KIRREL3: variants seen among roughly 807,000 people sequenced by gnomAD.
The protein encoded by KIRREL3 is kin of IRRE-like protein 3.
KIRREL3 carries 36 observed loss-of-function variants against 89.7 expected under a neutral mutation model. The ratio of observed to expected loss-of-function variants is 0.40; its 90% CI spans 0.31 to 0.53. The LOEUF (loss-of-function observed/expected upper bound fraction) is 0.53. Ranked by LOEUF, KIRREL3 falls within the 20% of genes least tolerant of loss-of-function variation. KIRREL3 has a pLI of 0.49. For synonymous variants in KIRREL3, 445 were observed against 441.4 expected (o/e 1.01, Z -0.10); for missense variants, 864 against 1,056.6 (o/e 0.82, Z 2.53).
intron 1 of KIRREL3, among the ~76,000 whole-genome samples, chr11:126,662,076 C>G (rs1177372694): frequency 6.6e-6 from 1 of 152,076 alleles, no homozygotes; most frequent in African/African-American, 2.4e-5. Flanking sequence ...ATTGATTTTC[C>G]CCTAGTAGTT....
chr11:126,482,665 C>T (rs1159324128), intron 4 of KIRREL3, among the ~76,000 whole-genome samples: 6 of 152,130 alleles, frequency 3.9e-5, no homozygotes, highest in Admixed American at 3.3e-4. Flanking sequence ...CCCAGATTGC[C>T]CCCTTGGTAA....
rs1298548052 is a variant in KIRREL3, at chr11:126,656,447, C to G, written c.56-93535G>C. On this transcript the variant is annotated intron_variant, in intron 1 of 16. Coordinates refer to ENST00000525144, the MANE Select transcript of KIRREL3 (RefSeq NM_032531.4). The surrounding 1 kb of genome is among the most constrained non-coding windows in gnomAD (Gnocchi z 4.0). ...CTCTGGAAAACCTAGGTTTCCAAAC[C>G]TTTCACCTTAAGTAGATTTTTATAA... 6.6e-6 allele frequency among the ~76,000 whole-genome samples: 1 copy of G among 152,140 alleles called. No homozygotes were observed. Among genetic ancestry groups the G allele is most frequent in the East Asian group, 1.9e-4 (1 of 5,194 alleles).
intron 1 of KIRREL3, among the ~76,000 whole-genome samples, chr11:126,774,257 C>T (rs1266914105): frequency 6.7e-6 from 1 of 149,600 alleles, no homozygotes; most frequent in Non-Finnish European, 1.5e-5. Context: ...TCTAACCCTG[C>T]AGGAAAATAG....
At chr11:126,435,595 G>A (rs1379095085) in intron 12 of KIRREL3, among the ~76,000 whole-genome samples, 1 of 152,166 alleles carries the variant, frequency 6.6e-6, no homozygotes, top group Non-Finnish European at 1.5e-5. Context: ...CCAAGGGGAA[G>A]ACACGGAGGG....
chr11:126,869,470 C>T (rs767225321), intron 1 of KIRREL3, among the ~76,000 whole-genome samples: 5 of 152,120 alleles, frequency 3.3e-5, no homozygotes, highest in South Asian at 2.1e-4. Flanking sequence ...TATTTCTGGG[C>T]GACTGAAAGT....
chr11:126,720,766 G>A (rs1361896446), intron 1 of KIRREL3, among the ~76,000 whole-genome samples: 1 of 152,222 alleles, frequency 6.6e-6, no homozygotes, highest in African/African-American at 2.4e-5. Context: ...ATTGGCTTGT[G>A]GCTGGGCCAG....
At chr11:126,974,355 GA>G (rs1479861399) in intron 1 of KIRREL3, among the ~76,000 whole-genome samples, 1 of 152,104 alleles carries the variant, frequency 6.6e-6, no homozygotes, top group Non-Finnish European at 1.5e-5. Flanking sequence ...ATTGTTAGGG[GA>G]CTTTGTCTTT....
chr11:126,481,402 G>A (rs78189576), intron 4 of KIRREL3, among the ~76,000 whole-genome samples: 8,161 of 152,170 alleles, frequency 0.054, 245 homozygotes, highest in African/African-American at 0.078. Flanking sequence ...TTAAGCTGAC[G>A]AATTCCAAAG....
At chr11:126,518,218 G>A (rs980642794) in intron 4 of KIRREL3, among the ~76,000 whole-genome samples, 9 of 152,226 alleles carry the variant, frequency 5.9e-5, no homozygotes, top group Admixed American at 2.6e-4. Context: ...ATGTGTCTGT[G>A]ACTCTAGGCT....
chr11:126,654,323 T>C lies in KIRREL3; in HGVS notation c.56-91411A>G, dbSNP rs1341460874. Among the ~76,000 whole-genome samples the C allele has an allele frequency of 8.1e-5, 12 of 148,244 alleles. No homozygotes were observed. The South Asian group carries it at 8.7e-4, about 11-fold the overall frequency. On this transcript the variant is annotated intron_variant, in intron 1 of 16. Transcript: ENST00000525144. ...CAACCCCGAGAAGATGGATCTAGGA[T>C]ACCTAAACTGAAAGTTTTTTTTTTT...
At chr11:126,878,761 G>A (rs952221099) in intron 1 of KIRREL3, among the ~76,000 whole-genome samples, 2 of 152,130 alleles carry the variant, frequency 1.3e-5, no homozygotes, top group Admixed American at 6.5e-5. Context: ...TAAATGTGAT[G>A]GGAAACACAT....
At chr11:126,800,621 G>C (rs1394636073) in intron 1 of KIRREL3, among the ~76,000 whole-genome samples, 1 of 152,158 alleles carries the variant, frequency 6.6e-6, no homozygotes, top group Non-Finnish European at 1.5e-5. Flanking sequence ...CCTGCAAACA[G>C]CATTTGATAG....
chr11:126,466,925 G>A (rs1427104154), intron 5 of KIRREL3, among the ~76,000 whole-genome samples: 1 of 152,210 alleles, frequency 6.6e-6, no homozygotes, highest in African/African-American at 2.4e-5. Flanking sequence ...CCTCCCTCCA[G>A]TGTGGTGAGC....
chr11:126,947,575 G>A (rs1948654251), intron 1 of KIRREL3, among the ~76,000 whole-genome samples: 1 of 152,208 alleles, frequency 6.6e-6, no homozygotes, highest in Admixed American at 6.5e-5. Flanking sequence ...TAACTGAGTT[G>A]AGTTTTATGT....
At chr11:126,436,158 T>C (rs1955326541) in intron 12 of KIRREL3, among the ~76,000 whole-genome samples, 1 of 152,186 alleles carries the variant, frequency 6.6e-6, no homozygotes, top group South Asian at 2.1e-4. Flanking sequence ...TTGTTCCTCC[T>C]GCCTCCTCCC....
rs1021426222 is a variant in KIRREL3 at position 126,666,172 on chromosome 11, T to A, written c.56-103260A>T. On this transcript the variant is annotated intron_variant, in intron 1 of 16. Transcript: ENST00000525144. This position sits in a 1 kb window ranked among gnomAD's most constrained non-coding sequence, Gnocchi z 4.2. ...GCATTAATAAATAAGTGCAGCAGGA[T>A]CTTGGTTCCGCAGGAAGAGTGTGGA... Among the ~76,000 whole-genome samples, 9 of 152,200 alleles carry A rather than the reference T, an allele frequency of 5.9e-5. No homozygotes were observed. The highest frequency in any genetic ancestry group is 1.2e-4 in the Non-Finnish European group (8 of 68,046).
chr11:126,624,361 C>CAAAAT lies in KIRREL3; in HGVS notation c.56-61450_56-61449insATTTT, dbSNP rs377237883. Among the ~76,000 whole-genome samples the CAAAAT allele has an allele frequency of 2.0e-3, 297 of 152,246 alleles. 1 individual carries two copies. Among genetic ancestry groups the CAAAAT allele is most frequent in the African/African-American group, 7.0e-3 (290 of 41,540 alleles). The stretch of plus-strand genomic sequence containing the variant: ...AAAAACAAAACAAAACAAAACAAAA[C>CAAAAT]CTGAGGTATTTCTTAGAACACGAAG... On this transcript the variant is annotated intron_variant, in intron 1 of 16. Transcript: ENST00000525144. The surrounding 1 kb of genome is among the most constrained non-coding windows in gnomAD (Gnocchi z 6.0).
In KIRREL3 at chr11:126,805,363, C is replaced by T. The variant is rs1951171491; in HGVS notation, c.55+195092G>A. Among the ~76,000 whole-genome samples, 1 of 152,094 alleles carries T rather than the reference C, an allele frequency of 6.6e-6. No individual in the cohort carries two copies. The highest frequency in any genetic ancestry group is 2.1e-4 in the South Asian group (1 of 4,814). ...GGAGATTACCCTATTACAAGTCATA[C>T]TGGGTGGAGGAGATTTAATTACTCA... On this transcript the variant is annotated intron_variant, in intron 1 of 16. Transcript: ENST00000525144. This position sits in a 1 kb window ranked among gnomAD's most constrained non-coding sequence, Gnocchi z 4.3.
intron 1 of KIRREL3, among the ~76,000 whole-genome samples, chr11:126,982,605 C>A (rs1429816739): frequency 6.6e-6 from 1 of 152,228 alleles, no homozygotes; most frequent in Non-Finnish European, 1.5e-5. Context: ...TTCTCCTTTA[C>A]TTCCACGTAC....
Sources: gnomAD v4.1 joint callset for allele counts (sites outside exome capture counted in the v4.1 genomes callset) on GRCh38, gnomAD v4.1.1 for gene constraint, Gnocchi (gnomAD v3.1) non-coding constraint, MANE v1.5 for transcripts, NCBI Gene and HGNC (gene_info 2026-07-23, HGNC 2026-07-21) for gene names.